Variants in DPP10 observed in about 807,000 individuals in gnomAD.
The protein encoded by DPP10 is dipeptidyl peptidase like 10, also known as inactive dipeptidyl peptidase 10.
Under a neutral mutation model 120.9 loss-of-function variants are expected in DPP10, and 33 were observed. The ratio of observed to expected loss-of-function variants is 0.27; its 90% CI spans 0.21 to 0.37. The LOEUF is 0.37. Ranked by LOEUF, DPP10 falls within the 10% of genes least tolerant of loss-of-function variation. The pLI, the probability that DPP10 is intolerant of heterozygous loss-of-function variation, is 1.00. For missense variants in DPP10, 816 were observed against 942.8 expected (o/e 0.87, Z 1.76); for synonymous variants, 337 against 326.1 (o/e 1.03, Z -0.36).
intron 1 of DPP10, among the ~76,000 whole-genome samples, chr2:114,909,393 C>T (rs1202911723): frequency 6.6e-6 from 1 of 151,974 alleles, no homozygotes; most frequent in East Asian, 1.9e-4. Context: ...CAGTATAAAA[C>T]ATCAGTACAG....
At chr2:114,729,903 A>G (rs1482459807) in intron 1 of DPP10, among the ~76,000 whole-genome samples, 1 of 152,222 alleles carries the variant, frequency 6.6e-6, no homozygotes, top group African/African-American at 2.4e-5. Context: ...GGACCAGAAC[A>G]GGCAGTAATT....
At chr2:115,593,116 T>C (rs1326351676) in intron 5 of DPP10, among the ~76,000 whole-genome samples, 1 of 152,178 alleles carries the variant, frequency 6.6e-6, no homozygotes, top group East Asian at 1.9e-4. Flanking sequence ...AAACATATTG[T>C]TTAAATCTTC....
chr2:114,688,619 C>T (rs976858411), intron 1 of DPP10, among the ~76,000 whole-genome samples: 1 of 151,962 alleles, frequency 6.6e-6, no homozygotes, highest in African/African-American at 2.4e-5. Context: ...CTACAAAGTA[C>T]CTCCCTTGCA....
chr2:115,363,029 C>G lies in DPP10; in HGVS notation c.271+19117C>G, dbSNP rs547069381. Among the ~76,000 whole-genome samples, 8 of 152,270 alleles carry G rather than the reference C, an allele frequency of 5.3e-5. No individual in the cohort carries two copies. In the South Asian group the frequency reaches 1.7e-3, roughly 32 times the overall value. On this transcript the variant is annotated intron_variant, in intron 3 of 25. Transcript: ENST00000410059. ...GAACATTCATTACTGGGTTCATGAC[C>G]CAAGCCATTAGCCCATCACTGCCAT...
chr2:114,867,654 C>T (rs768880863), intron 1 of DPP10, among the ~76,000 whole-genome samples: 1 of 152,236 alleles, frequency 6.6e-6, no homozygotes, highest in East Asian at 1.9e-4. Context: ...TAGCTGTTTG[C>T]CTCATTATGC....
In DPP10 at chr2:114,522,707, T is replaced by C. The variant is rs148988067; in HGVS notation, c.60+79869T>C. Among the ~76,000 whole-genome samples the C allele has an allele frequency of 2.6e-5, 4 of 152,260 alleles. 1 individual carries two copies. In the East Asian group the frequency reaches 7.7e-4, roughly 29 times the overall value. ...AGCTGCTGATAAAGACATAACAGAC[T>C]GGGCAATTTACAAAATAAAGAGAGG... On this transcript the variant is annotated intron_variant, in intron 1 of 25. Transcript: ENST00000410059.
At chr2:115,271,546 C>T (rs1175508261) in intron 1 of DPP10, among the ~76,000 whole-genome samples, 2 of 151,928 alleles carry the variant, frequency 1.3e-5, no homozygotes, top group Non-Finnish European at 2.9e-5. Context: ...CAAACTTACA[C>T]AGAAAGAATA....
chr2:115,086,034 C>T (rs1401830373), intron 1 of DPP10, among the ~76,000 whole-genome samples: 1 of 152,168 alleles, frequency 6.6e-6, no homozygotes, highest in African/African-American at 2.4e-5. Context: ...CAAAATATTT[C>T]ACCCCAAAAC....
chr2:115,217,516 A>G (rs1451738295), intron 1 of DPP10, among the ~76,000 whole-genome samples: 1 of 152,198 alleles, frequency 6.6e-6, no homozygotes, highest in African/African-American at 2.4e-5. Context: ...TTTCCTCAGA[A>G]GCTAGCACAT....
chr2:115,044,292 TG>T (rs1181798572), intron 1 of DPP10, among the ~76,000 whole-genome samples: 1 of 152,048 alleles, frequency 6.6e-6, no homozygotes, highest in African/African-American at 2.4e-5. Flanking sequence ...ATGCCTCACA[TG>T]GCCAGAGAAG....
At chr2:115,186,273 G>C (rs1481565713) in intron 1 of DPP10, among the ~76,000 whole-genome samples, 1 of 152,214 alleles carries the variant, frequency 6.6e-6, no homozygotes, top group African/African-American at 2.4e-5. Flanking sequence ...TATGCAGAGA[G>C]AGCAGGAGTA....
intron 1 of DPP10, chr2:115,162,403 A>T (rs2052474421): frequency 9.5e-6 from 12 of 1,267,468 alleles, no homozygotes; most frequent in Middle Eastern, 2.8e-4. Context: ...TGCGCTCCTG[A>T]CGGCCGCTCA....
chr2:114,703,739 T>G (rs1700520420), intron 1 of DPP10, among the ~76,000 whole-genome samples: 1 of 152,144 alleles, frequency 6.6e-6, no homozygotes, highest in African/African-American at 2.4e-5. Flanking sequence ...AAAGCATATT[T>G]GTCTGGTTCC....
intron 7 of DPP10, among the ~76,000 whole-genome samples, chr2:115,696,150 G>C (rs1029983442): frequency 2.6e-5 from 4 of 152,060 alleles, no homozygotes; most frequent in African/African-American, 7.2e-5. Context: ...AGGATTATGG[G>C]AATGTTAGAA....
chr2:114,774,468 G>C (rs1454464170), intron 1 of DPP10, among the ~76,000 whole-genome samples: 1 of 151,516 alleles, frequency 6.6e-6, no homozygotes, highest in African/African-American at 2.4e-5. Flanking sequence ...AGGAGATTTG[G>C]AGGGACTCTG....
intron 1 of DPP10, among the ~76,000 whole-genome samples, chr2:115,237,271 C>T (rs2058052056): frequency 6.6e-6 from 1 of 152,004 alleles, no homozygotes; most frequent in Non-Finnish European, 1.5e-5. Context: ...TTATTGTGAT[C>T]TGTGATCAGT....
intron 3 of DPP10, among the ~76,000 whole-genome samples, chr2:115,432,821 A>T (rs955139893): frequency 2.0e-4 from 31 of 151,918 alleles, no homozygotes; most frequent in African/African-American, 7.2e-4. Flanking sequence ...GAGACTACAA[A>T]TGCTGCTGAA....
intron 1 of DPP10, among the ~76,000 whole-genome samples, chr2:114,580,700 C>T (rs1244401777): frequency 2.6e-5 from 4 of 151,256 alleles, no homozygotes; most frequent in Admixed American, 6.6e-5. Context: ...CCTAAAGCAC[C>T]GCATTAATCA....
chr2:115,690,532 C>T (rs1037873122), intron 7 of DPP10, among the ~76,000 whole-genome samples: 3 of 152,136 alleles, frequency 2.0e-5, no homozygotes, highest in African/African-American at 7.2e-5. Context: ...TGTGCTTCAG[C>T]CTCCTGAGTA....
Sources: gnomAD v4.1 joint callset for allele counts (sites outside exome capture counted in the v4.1 genomes callset) on GRCh38, gnomAD v4.1.1 for gene constraint, MANE v1.5 for transcripts, NCBI Gene and HGNC (gene_info 2026-07-23, HGNC 2026-07-21) for gene names.